Variants in MAPK10 observed in about 807,000 individuals in gnomAD.
The protein encoded by MAPK10 is JNK3 alpha protein kinase.
In MAPK10, 25 loss-of-function variants were observed where a neutral mutation model predicts 59.3. That is an observed-to-expected ratio of 0.42 (90% CI 0.31 to 0.59). The LOEUF (loss-of-function observed/expected upper bound fraction) is 0.59. Ranked by LOEUF, MAPK10 falls within the 20% of genes least tolerant of loss-of-function variation. The pLI is 0.15. For synonymous variants in MAPK10, 190 were observed against 200.5 expected, an observed-to-expected ratio of 0.95 and a Z score of 0.44; for missense variants, 351 against 568.9, an observed-to-expected ratio of 0.62 and a Z score of 3.90.
chr4:86,417,628 T>A (rs1488852563), intron 1 of MAPK10, among the ~76,000 whole-genome samples: 2 of 152,202 alleles, frequency 1.3e-5, no homozygotes, highest in Non-Finnish European at 2.9e-5. Context: ...ATACAGATGA[T>A]TTCTGAGATT....
At chr4:86,232,104 G>A (rs921133864) in intron 2 of MAPK10, among the ~76,000 whole-genome samples, 1 of 152,216 alleles carries the variant, frequency 6.6e-6, no homozygotes, top group Non-Finnish European at 1.5e-5. Flanking sequence ...AACTGTGCCA[G>A]TGTAGCATGA....
At chr4:86,272,360 C>T (rs1211161792) in intron 2 of MAPK10, among the ~76,000 whole-genome samples, 1 of 151,892 alleles carries the variant, frequency 6.6e-6, no homozygotes, top group Non-Finnish European at 1.5e-5. Flanking sequence ...TATTTTTCTC[C>T]TTTATAATTA....
At chr4:86,292,559 A>G (rs2095256818) in intron 2 of MAPK10, among the ~76,000 whole-genome samples, 1 of 152,168 alleles carries the variant, frequency 6.6e-6, no homozygotes, top group Admixed American at 6.5e-5. Flanking sequence ...TCTACAAAAA[A>G]TAAAAATAAA....
chr4:86,185,499 G>A (rs1265586296), intron 3 of MAPK10, among the ~76,000 whole-genome samples: 1 of 152,070 alleles, frequency 6.6e-6, no homozygotes, highest in Non-Finnish European at 1.5e-5. Context: ...GAGTGAGATA[G>A]GAAGACATTG....
chr4:86,033,248 A>AC, intron 11 of MAPK10, among the ~76,000 whole-genome samples: 1 of 152,256 alleles, frequency 6.6e-6, no homozygotes, highest in African/African-American at 2.4e-5. Flanking sequence ...GCCAAGTGGT[A>AC]AATTTCCGGC....
intron 9 of MAPK10, among the ~76,000 whole-genome samples, chr4:86,071,253 T>C (rs2149002742): frequency 6.6e-6 from 1 of 151,928 alleles, no homozygotes; most frequent in East Asian, 1.9e-4. Flanking sequence ...GTTTTTTTCT[T>C]GTAAATTTGT....
intron 1 of MAPK10, among the ~76,000 whole-genome samples, chr4:86,518,163 C>T (rs1394021530): frequency 2.6e-5 from 4 of 152,210 alleles, no homozygotes; most frequent in Non-Finnish European, 4.4e-5. Flanking sequence ...GCTGGGATTA[C>T]AGGCATGCTC....
intron 11 of MAPK10, among the ~76,000 whole-genome samples, chr4:86,047,926 G>A (rs932721595): frequency 1.3e-5 from 2 of 152,126 alleles, no homozygotes; most frequent in Non-Finnish European, 2.9e-5. Flanking sequence ...TGAGAGATAA[G>A]TCCCAGAATA....
At chr4:86,094,405 GATATAAT>G (rs2053844421) in intron 9 of MAPK10, among the ~76,000 whole-genome samples, 1 of 151,872 alleles carries the variant, frequency 6.6e-6, no homozygotes, top group Admixed American at 6.6e-5. Flanking sequence ...GTTAGCTTTG[GATATAAT>G]ATACTTGAGG....
intron 1 of MAPK10, among the ~76,000 whole-genome samples, chr4:86,590,901 T>G (rs906080300): frequency 1.3e-5 from 2 of 152,254 alleles, no homozygotes; most frequent in Non-Finnish European, 2.9e-5. Flanking sequence ...GATTGCTTTT[T>G]TATTTCAAAC....
intron 9 of MAPK10, among the ~76,000 whole-genome samples, chr4:86,068,953 T>A (rs1370257339): frequency 1.3e-5 from 2 of 152,138 alleles, no homozygotes; most frequent in African/African-American, 4.8e-5. Flanking sequence ...TTCCCTTAAA[T>A]CCAATACTGC....
intron 3 of MAPK10, among the ~76,000 whole-genome samples, chr4:86,178,967 C>A (rs1257192457): frequency 6.6e-6 from 1 of 152,004 alleles, no homozygotes; most frequent in African/African-American, 2.4e-5. Context: ...CTTTGGGAGG[C>A]CAAGGTGGGC....
chr4:86,387,179 G>A (rs1457073207), intron 1 of MAPK10, among the ~76,000 whole-genome samples: 1 of 152,184 alleles, frequency 6.6e-6, no homozygotes, highest in Non-Finnish European at 1.5e-5. Flanking sequence ...GAGGGGCACA[G>A]GGAGCTGGTC....
intron 3 of MAPK10, among the ~76,000 whole-genome samples, chr4:86,174,901 G>T (rs2075322996): frequency 6.6e-6 from 1 of 151,984 alleles, no homozygotes; most frequent in Non-Finnish European, 1.5e-5. Context: ...TGACCTCATG[G>T]AGCTTAATAT....
intron 11 of MAPK10, among the ~76,000 whole-genome samples, chr4:86,036,574 T>C (rs922479447): frequency 6.6e-6 from 1 of 152,074 alleles, no homozygotes; most frequent in African/African-American, 2.4e-5. Flanking sequence ...AAAAAATATA[T>C]CATGAAGTCA....
At chr4:86,222,694 AG>A (rs1205962746) in intron 2 of MAPK10, among the ~76,000 whole-genome samples, 1 of 152,252 alleles carries the variant, frequency 6.6e-6, no homozygotes, top group Non-Finnish European at 1.5e-5. Flanking sequence ...AGCAATGTCC[AG>A]CCTCTTCCTA....
intron 1 of MAPK10, among the ~76,000 whole-genome samples, chr4:86,459,154 T>G (rs1328863613): frequency 6.6e-6 from 1 of 152,022 alleles, no homozygotes; most frequent in African/African-American, 2.4e-5. Flanking sequence ...AACAAACATA[T>G]GAAAAAATGC....
chr4:86,146,575 A>G (rs1223050793), intron 4 of MAPK10, among the ~76,000 whole-genome samples: 1 of 152,066 alleles, frequency 6.6e-6, no homozygotes, highest in Non-Finnish European at 1.5e-5. Context: ...CAAAAGGGAA[A>G]CGCACCACTT....
At chr4:86,487,362 A>AGAGAGTGTGTGT (rs1554272299) in intron 1 of MAPK10, among the ~76,000 whole-genome samples, 23 of 148,832 alleles carry the variant, frequency 1.5e-4, no homozygotes, top group Non-Finnish European at 1.8e-4. Flanking sequence ...AGAGAGAGAG[A>AGAGAGTGTGTGT]GTGTGTGTGT....
Sources: gnomAD v4.1 joint callset for allele counts (sites outside exome capture counted in the v4.1 genomes callset) on GRCh38, gnomAD v4.1.1 for gene constraint, MANE v1.5 for transcripts, NCBI Gene and HGNC (gene_info 2026-07-23, HGNC 2026-07-21) for gene names.